Variants in AGBL4 observed in about 807,000 individuals in gnomAD.
AGBL4 encodes cytosolic carboxypeptidase 6.
A neutral mutation model predicts 66.4 loss-of-function variants in AGBL4; 58 were observed. The observed-to-expected ratio is 0.87, with a 90% CI of 0.71 to 1.09. AGBL4 has a LOEUF of 1.09. Ranked by LOEUF, AGBL4 falls within the 50% of genes least tolerant of loss-of-function variation. The pLI is 0.00. For synonymous variants in AGBL4, 234 were observed against 222.9 expected (o/e 1.05, Z -0.44); for missense variants, 579 against 631.0 (o/e 0.92, Z 0.88).
intron 6 of AGBL4, among the ~76,000 whole-genome samples, chr1:48,853,876 G>A (rs1364695565): frequency 6.6e-6 from 1 of 152,240 alleles, no homozygotes; most frequent in South Asian, 2.1e-4. Context: ...CCTTCAGCCT[G>A]TGGATTTAGA....
intron 3 of AGBL4, among the ~76,000 whole-genome samples, chr1:49,408,484 C>T (rs1275070485): frequency 1.3e-5 from 2 of 152,074 alleles, no homozygotes; most frequent in African/African-American, 2.4e-5. Flanking sequence ...AAGGGTGTTG[C>T]CAAAGGAGAT....
intron 1 of AGBL4, among the ~76,000 whole-genome samples, chr1:49,915,530 C>T (rs1651350701): frequency 6.6e-6 from 1 of 152,126 alleles, no homozygotes; most frequent in Non-Finnish European, 1.5e-5. Flanking sequence ...GGCAGTGAGG[C>T]TGGGGAAGGG....
At chr1:49,365,366 CAAT>C (rs1476053729) in intron 3 of AGBL4, among the ~76,000 whole-genome samples, 1 of 151,850 alleles carries the variant, frequency 6.6e-6, no homozygotes, top group Non-Finnish European at 1.5e-5. Context: ...ATAAGAACAA[CAAT>C]AACAACATAT....
At chr1:49,845,519 C>T in intron 2 of AGBL4, 1 of 1,581,674 alleles carries the variant, frequency 6.3e-7, no homozygotes, top group African/African-American at 1.3e-5. Flanking sequence ...TGTGGCAAGG[C>T]CTTGATCCAT....
chr1:48,994,049 G>C (rs1238289613), intron 5 of AGBL4, among the ~76,000 whole-genome samples: 1 of 152,114 alleles, frequency 6.6e-6, no homozygotes, highest in Non-Finnish European at 1.5e-5. Flanking sequence ...ATCAGTGGAG[G>C]CTTCTATTTG....
At chr1:49,659,793 C>T (rs1362396891) in intron 3 of AGBL4, among the ~76,000 whole-genome samples, 1 of 152,130 alleles carries the variant, frequency 6.6e-6, no homozygotes, top group Non-Finnish European at 1.5e-5. Flanking sequence ...CAGAACTTGC[C>T]ACCCCAAAAC....
chr1:48,625,034 A>T (rs572757959), intron 9 of AGBL4, among the ~76,000 whole-genome samples: 2 of 152,004 alleles, frequency 1.3e-5, no homozygotes, highest in South Asian at 4.2e-4. Context: ...CTGCCTCCTG[A>T]GTAGCTAAGA....
chr1:48,791,188 C>T (rs1645541368), intron 6 of AGBL4, among the ~76,000 whole-genome samples: 1 of 152,228 alleles, frequency 6.6e-6, no homozygotes, highest in Admixed American at 6.5e-5. Flanking sequence ...CATTGCTCGG[C>T]ATTCCCTTGA....
intron 6 of AGBL4, among the ~76,000 whole-genome samples, chr1:48,782,141 C>G (rs562012573): frequency 3.3e-5 from 5 of 152,184 alleles, no homozygotes; most frequent in Non-Finnish European, 5.9e-5. Flanking sequence ...TTGGAGGGGA[C>G]GCAAGTCTGG....
chr1:49,443,825 G>T (rs1309670515), intron 3 of AGBL4, among the ~76,000 whole-genome samples: 2 of 150,644 alleles, frequency 1.3e-5, no homozygotes, highest in Non-Finnish European at 3.0e-5. Flanking sequence ...GTTTGTTCTT[G>T]CTTTTCTAGC....
intron 9 of AGBL4, among the ~76,000 whole-genome samples, chr1:48,597,033 G>A (rs758567540): frequency 3.0e-4 from 46 of 152,248 alleles, no homozygotes; most frequent in South Asian, 1.9e-3. Flanking sequence ...CTGGGCTTTT[G>A]TGTCTATTCC....
At chr1:48,527,334 G>A in the AGBL4 span, among the ~76,000 whole-genome samples, 2 of 151,986 alleles carry the variant, frequency 1.3e-5, no homozygotes, top group African/African-American at 2.4e-5. Flanking sequence ...AACAGCTCAC[G>A]CCTGTAATCC....
At position 49,665,819 on chromosome 1, in the gene AGBL4, C is replaced by T. The variant is rs12021813; in HGVS notation, c.282+31494G>A. ...TTTTACATCTGCTTTTAAAATTTTGCTTTTTGGTTTTTAACAAATTAAATT... is the reference window on the plus strand; with the variant it reads ...TTTTACATCTGCTTTTAAAATTTTGTTTTTTGGTTTTTAACAAATTAAATT... On this transcript the variant is annotated intron_variant, in intron 3 of 13. Transcript: ENST00000371839. 8.2e-3 allele frequency among the ~76,000 whole-genome samples: 1,249 copies of T among 151,778 alleles called. 9 individuals carry two copies. The highest frequency in any genetic ancestry group is 0.031 in the Middle Eastern group (9 of 294).
intron 5 of AGBL4, among the ~76,000 whole-genome samples, chr1:48,881,730 G>A (rs1279479604): frequency 6.6e-6 from 1 of 152,108 alleles, no homozygotes; most frequent in Non-Finnish European, 1.5e-5. Context: ...GGCATGACAA[G>A]CTTTGCTCAT....
At chr1:48,668,777 A>G (rs1426770343) in intron 6 of AGBL4, among the ~76,000 whole-genome samples, 1 of 151,928 alleles carries the variant, frequency 6.6e-6, no homozygotes, top group Non-Finnish European at 1.5e-5. Flanking sequence ...TGTGTTGATG[A>G]GACAGACAAT....
chr1:49,454,805 C>G (rs1436932432), intron 3 of AGBL4, among the ~76,000 whole-genome samples: 1 of 151,544 alleles, frequency 6.6e-6, no homozygotes, highest in Non-Finnish European at 1.5e-5. Context: ...ACAATGGAGA[C>G]CAGTGTGGTT....
intron 2 of AGBL4, among the ~76,000 whole-genome samples, chr1:49,835,859 G>T (rs1016649037): frequency 6.6e-6 from 1 of 152,090 alleles, no homozygotes; most frequent in Non-Finnish European, 1.5e-5. Flanking sequence ...ATGAAATTCT[G>T]GGTTAAAAAT....
chr1:49,325,292 T>C (rs1463060243), intron 3 of AGBL4, among the ~76,000 whole-genome samples: 1 of 152,222 alleles, frequency 6.6e-6, no homozygotes, highest in Admixed American at 6.5e-5. Context: ...ATGTTTTTCT[T>C]TTTTAATGAA....
At chr1:48,645,444 C>A (rs1015247500) in intron 8 of AGBL4, among the ~76,000 whole-genome samples, 7 of 152,122 alleles carry the variant, frequency 4.6e-5, no homozygotes, top group African/African-American at 1.7e-4. Flanking sequence ...GGAGTTGCAG[C>A]TTAGCAGAAA....
Sources: gnomAD v4.1 joint callset for allele counts (sites outside exome capture counted in the v4.1 genomes callset) on GRCh38, gnomAD v4.1.1 for gene constraint, MANE v1.5 for transcripts, NCBI Gene and HGNC (gene_info 2026-07-23, HGNC 2026-07-21) for gene names.